ERI1: variants seen among roughly 807,000 people sequenced by gnomAD.
The protein encoded by ERI1 is 3'-5' exoribonuclease 1.
In ERI1, 39 loss-of-function variants were observed where a neutral mutation model predicts 39.7. The observed-to-expected ratio is 0.98, with a 90% confidence interval of 0.76 to 1.28. The LOEUF is 1.28. Among genes scored for constraint, ERI1 ranks in the 50% most tolerant of loss-of-function variants. The pLI is 0.00. For missense variants in ERI1, 581 were observed against 416.9 expected, an observed-to-expected ratio of 1.39 and a Z score of -3.43; for synonymous variants, 204 against 149.6, an observed-to-expected ratio of 1.36 and a Z score of -2.65.
chr8:9,079,221 G>A (rs1799299208), intron 3 of ERI1, among the ~76,000 whole-genome samples: 1 of 152,186 alleles, frequency 6.6e-6, no homozygotes, highest in African/African-American at 2.4e-5. Flanking sequence ...TGGTAAAAGG[G>A]TGGAACAATG....
In ERI1 at chr8:9,016,354, G is replaced by T; in HGVS notation, c.531G>T (p.Glu177Asp). The T allele has an allele frequency of 6.2e-7, 1 of 1,607,398 alleles. No individual in the cohort carries two copies. The highest frequency in any genetic ancestry group is 1.1e-5 in the South Asian group (1 of 90,138). Residue 177 changes from glutamate (E) to aspartate (D), a missense_variant, in exon 4 of 7, where the codon GAG becomes GAT. Physicochemically the swap from Glu to Asp is conservative, Grantham distance 45 (BLOSUM62 2). Transcript: ENST00000250263. ...EDTFQQYVRPEINTQLSDFCI... is the reference protein window; with the variant it reads ...EDTFQQYVRPDINTQLSDFCI... ...CGTTTCAGCAGTATGTAAGACCAGA[G>T]ATTAACACACAGCTGTCTGATTTCT... is the stretch of plus-strand genomic sequence containing the variant.
chr8:9,022,134 T>C (rs894449414), intron 6 of ERI1, among the ~76,000 whole-genome samples: 9 of 152,186 alleles, frequency 5.9e-5, no homozygotes, highest in African/African-American at 1.9e-4. Flanking sequence ...AGTTTATAGT[T>C]ACTGTAAGTT....
intron 1 of ERI1, chr8:9,004,176 A>G (rs1040292750): frequency 5.4e-6 from 7 of 1,288,552 alleles, no homozygotes; most frequent in Middle Eastern, 4.2e-4. Context: ...GATCCTTGCA[A>G]TTATCTTTCT....
At chr8:9,025,552 T>C (rs1818383477) in intron 6 of ERI1, among the ~76,000 whole-genome samples, 1 of 152,268 alleles carries the variant, frequency 6.6e-6, no homozygotes, top group Non-Finnish European at 1.5e-5. Flanking sequence ...TTTTCCTTGC[T>C]AAGCCAGAGG....
intron 3 of ERI1, among the ~76,000 whole-genome samples, chr8:9,058,332 C>T (rs1798579944): frequency 1.3e-5 from 2 of 152,264 alleles, no homozygotes; most frequent in African/African-American, 4.8e-5. Context: ...TGCTATGTGC[C>T]CCATGGTCCC....
chr8:9,056,758 T>G (rs904941612), intron 3 of ERI1, among the ~76,000 whole-genome samples: 2 of 152,240 alleles, frequency 1.3e-5, no homozygotes, highest in Admixed American at 6.5e-5. Context: ...CCCTGATTAC[T>G]TTTGATGTAA....
chr8:9,017,645 C>T (rs1259862928), intron 4 of ERI1, among the ~76,000 whole-genome samples: 3 of 152,112 alleles, frequency 2.0e-5, no homozygotes, highest in Non-Finnish European at 4.4e-5. Context: ...TGGGCTGAGT[C>T]ATGAAAGATA....
intron 6 of ERI1, among the ~76,000 whole-genome samples, chr8:9,029,578 A>G (rs1410887910): frequency 6.6e-6 from 1 of 151,990 alleles, no homozygotes; most frequent in East Asian, 1.9e-4. Context: ...TGATCTGCCC[A>G]CCTTGGCCTC....
chr8:9,007,543 T>G (rs1208435204), intron 1 of ERI1, among the ~76,000 whole-genome samples: 1 of 152,180 alleles, frequency 6.6e-6, no homozygotes, highest in Non-Finnish European at 1.5e-5. Flanking sequence ...ATAATCTCAT[T>G]TAATCTTTGT....
intron 3 of ERI1, among the ~76,000 whole-genome samples, chr8:9,066,088 C>A (rs1297859781): frequency 6.6e-6 from 1 of 152,134 alleles, no homozygotes; most frequent in Non-Finnish European, 1.5e-5. Flanking sequence ...TCTGCAGTGC[C>A]CTGTTTGCCA....
chr8:9,019,669 G>C (rs930305201), intron 5 of ERI1, among the ~76,000 whole-genome samples: 13 of 152,182 alleles, frequency 8.5e-5, no homozygotes, highest in African/African-American at 2.9e-4. Flanking sequence ...CTAGTGTCCT[G>C]GGGACATACA....
At chr8:9,041,645 G>C (rs113370315) in intron 3 of ERI1, among the ~76,000 whole-genome samples, 37 of 152,264 alleles carry the variant, frequency 2.4e-4, no homozygotes, top group African/African-American at 7.2e-4. Context: ...AAATGAAATA[G>C]AAACACAGTG....
chr8:9,011,268 G>C (rs1174156916), intron 2 of ERI1, among the ~76,000 whole-genome samples: 1 of 152,106 alleles, frequency 6.6e-6, no homozygotes, highest in African/African-American at 2.4e-5. Context: ...TTTATGGTTT[G>C]AAGTACCAGT....
At chr8:9,097,817 A>G (rs1389093779) in intron 3 of ERI1, among the ~76,000 whole-genome samples, 1 of 152,362 alleles carries the variant, frequency 6.6e-6, no homozygotes, top group East Asian at 1.9e-4. Context: ...AATAAAAGCC[A>G]TTGCAGAAGT....
chr8:9,017,995 C>G (rs751354696), intron 4 of ERI1, among the ~76,000 whole-genome samples: 23 of 152,116 alleles, frequency 1.5e-4, no homozygotes, highest in Non-Finnish European at 2.8e-4. Flanking sequence ...TTTCCCTCCT[C>G]TAGAAATCCA....
intron 3 of ERI1, among the ~76,000 whole-genome samples, chr8:9,042,581 CCTT>C (rs1299122726): frequency 4.6e-5 from 7 of 152,136 alleles, no homozygotes; most frequent in African/African-American, 7.2e-5. Context: ...ACACCGCAGG[CCTT>C]CTGGGGCTTT....
downstream of ERI1, among the ~76,000 whole-genome samples, chr8:9,036,570 AT>A (rs1797851532): frequency 6.6e-6 from 1 of 152,200 alleles, no homozygotes; most frequent in Non-Finnish European, 1.5e-5. Flanking sequence ...GAGCCAAAAC[AT>A]TTGTGTGAGT....
rs370477996 is a variant in ERI1 at position 9,090,822 on chromosome 8, C to T, written n.300-25526C>T. Among the ~76,000 whole-genome samples, 11 of 152,190 alleles carry T rather than the reference C, an allele frequency of 7.2e-5. No individual in the cohort carries two copies. The South Asian group carries it at 2.3e-3, about 32-fold the overall frequency. Reference sequence around the variant, plus strand: ...AACAATGAACTTTCCAGTATAATTGCAATTTGAGAGGCTTGAGAGGAGAGT... The same window carrying T: ...AACAATGAACTTTCCAGTATAATTGTAATTTGAGAGGCTTGAGAGGAGAGT... On this transcript the variant is annotated intron_variant and non_coding_transcript_variant, in intron 3 of 3. Coordinates refer to the ERI1 transcript ENST00000518663.
rs562606134 is a variant in ERI1, at chr8:9,065,825, G to T, written n.299+45361G>T. Reference sequence around the variant, plus strand: ...AAAAATAAAAAGCAGGGCCTTGGAAGTTTTGATTCCTTTTTCCTCTCCTGT... The same window carrying T: ...AAAAATAAAAAGCAGGGCCTTGGAATTTTTGATTCCTTTTTCCTCTCCTGT... On this transcript the variant is annotated intron_variant and non_coding_transcript_variant, in intron 3 of 3. Coordinates refer to the ERI1 transcript ENST00000518663. Among the ~76,000 whole-genome samples, 3 of 152,196 alleles carry T rather than the reference G, an allele frequency of 2.0e-5. No homozygotes were observed. In the East Asian group the frequency reaches 5.8e-4, roughly 29 times the overall value.
Sources: gnomAD v4.1 joint callset for allele counts (sites outside exome capture counted in the v4.1 genomes callset) on GRCh38, gnomAD v4.1.1 for gene constraint, MANE v1.5 for transcripts, NCBI Gene and HGNC (gene_info 2026-07-23, HGNC 2026-07-21) for gene names.